LMOD3: variants seen among roughly 807,000 people sequenced by gnomAD.
The protein encoded by LMOD3 is leiomodin-3.
LMOD3 carries 31 observed loss-of-function variants against 41.8 expected under a neutral mutation model. The ratio of observed to expected loss-of-function variants is 0.74; its 90% CI spans 0.56 to 1.00. The LOEUF is 1.00. Ranked by LOEUF, LMOD3 falls within the 50% of genes least tolerant of loss-of-function variation. LMOD3 has a pLI of 0.00. For missense variants in LMOD3, 755 were observed against 679.5 expected, an observed-to-expected ratio of 1.11 and a Z score of -1.23; for synonymous variants, 292 against 241.9, an observed-to-expected ratio of 1.21 and a Z score of -1.92.
chr3:69,109,164 GA>G, intron 2 of LMOD3, 43 bp from the exon 3 acceptor site: 1 of 1,575,498 alleles, frequency 6.3e-7, no homozygotes, highest in South Asian at 1.2e-5. Flanking sequence ...ATTAATCCTG[GA>G]AATTTAAGAG....
intron 2 of LMOD3, among the ~76,000 whole-genome samples, chr3:69,111,639 AATG>A (rs1249624688): frequency 6.6e-6 from 1 of 152,214 alleles, no homozygotes; most frequent in African/African-American, 2.4e-5. Flanking sequence ...GCAGTGGTGC[AATG>A]ATAACTCAAA....
Position 69,108,949 on chromosome 3 carries a change from C to T in LMOD3, c.*146G>A. On this transcript the variant is annotated 3_prime_UTR_variant, in exon 3 of 3. Coordinates refer to ENST00000420581, the MANE Select transcript of LMOD3 (RefSeq NM_198271.5). ...CTTCTTCATGGCCCAAACATTCTGC[C>T]TTTTACAAATACCCTTATCAGATGG... The T allele has an allele frequency of 2.9e-6, 2 of 679,918 alleles. No homozygotes were observed. Among genetic ancestry groups the T allele is most frequent in the Non-Finnish European group, 4.9e-6 (2 of 408,212 alleles). 42.1% of individuals were successfully genotyped at this position (679,918 alleles called of 1,614,324 possible).
In LMOD3 at chr3:69,107,279, C is replaced by T. The variant is rs1349073038; in HGVS notation, c.*1816G>A. ...TTAAAAAAATAGAAACGCCATATTT[C>T]TTTCCCATGGCTTGTCTTTCCAAAT... On this transcript the variant is annotated 3_prime_UTR_variant, in exon 3 of 3. Coordinates refer to ENST00000420581, the MANE Select transcript of LMOD3 (RefSeq NM_198271.5). The T allele has an allele frequency of 6.6e-6, 1 of 151,764 alleles. No homozygotes were observed. The highest frequency in any genetic ancestry group is 1.5e-5 in the Non-Finnish European group (1 of 67,952). The allele number at this position is 151,764 out of a possible 1,614,324, so 9.4% of individuals were successfully genotyped here.
At chr3:69,118,476 A>G (rs901046232) in intron 2 of LMOD3, among the ~76,000 whole-genome samples, 5 of 152,086 alleles carry the variant, frequency 3.3e-5, no homozygotes, top group African/African-American at 1.2e-4. Flanking sequence ...AGCTGCTAAT[A>G]TCGTTGTTAC....
chr3:69,117,739 T>C (rs573780389), intron 2 of LMOD3, among the ~76,000 whole-genome samples: 1 of 152,268 alleles, frequency 6.6e-6, no homozygotes, highest in South Asian at 2.1e-4. Flanking sequence ...ACAAATGCAA[T>C]TTCGAACAGT....
chr3:69,112,863 A>G (rs567259371), intron 2 of LMOD3, among the ~76,000 whole-genome samples: 3 of 152,352 alleles, frequency 2.0e-5, no homozygotes, highest in South Asian at 4.1e-4. Flanking sequence ...TTGATCCACA[A>G]TAACATTTGA....
In LMOD3 at chr3:69,119,776, G is replaced by A; in HGVS notation, c.579C>T (p.Asp193=). 1 of 1,612,496 alleles carries A rather than the reference G, an allele frequency of 6.2e-7. No homozygotes were observed. The highest frequency in any genetic ancestry group is 8.5e-7 in the Non-Finnish European group (1 of 1,179,098). Residue 193 remains aspartate (D), a synonymous_variant, in exon 2 of 3, where the codon GAC becomes GAT. Transcript: ENST00000420581. ...NCENNCQQVT[D]KAFKEQRDRP... ...TGTCTCTCTGTTCTTTGAATGCTTT[G>A]TCAGTTACCTGCTGGCAGTTGTTCT...
chr3:69,114,129 G>A (rs2092361207), intron 2 of LMOD3, among the ~76,000 whole-genome samples: 1 of 152,194 alleles, frequency 6.6e-6, no homozygotes, highest in African/African-American at 2.4e-5. Flanking sequence ...GGGTCCATGA[G>A]CATTCTCAAG....
rs9835034 is a variant in LMOD3, at chr3:69,119,567, A to G, written c.788T>C (p.Ile263Thr). The G allele has an allele frequency of 3.8e-4, 619 of 1,613,792 alleles. 2 individuals carry two copies. In the African/African-American group the frequency reaches 6.8e-3, roughly 18 times the overall value. ...TAACATTTCTTTGGGGATGTTTTCA[A>G]TGTTGTTCAGGTTGAGTTCCTTCAT... The part of the protein sequence containing the change: ...PDMKELNLNN[I>T]ENIPKEMLLD... Residue 263 changes from isoleucine to threonine, a missense_variant, in exon 2 of 3, where the codon ATT (isoleucine) becomes ACT (threonine). Transcript: ENST00000420581.
chr3:69,122,335 T>C lies in LMOD3; in HGVS notation c.52A>G (p.Ile18Val), dbSNP rs1165265351. ...SDQEELLDEEINEDEILANLS... is the reference protein window; with the variant it reads ...SDQEELLDEEVNEDEILANLS... ...TTGGCCAAGATTTCATCTTCATTAA[T>C]CTCCTCATCGAGAAGTTCTTCTTGA... The change falls in exon 1 of 3, where the codon ATT becomes GTT. Residue 18 changes from isoleucine (I) to valine (V), a missense_variant. By Grantham distance (29) the Ile-to-Val change is conservative (BLOSUM62 3). Transcript: ENST00000420581. The C allele has an allele frequency of 5.6e-6, 9 of 1,612,746 alleles. No homozygotes were observed. In the South Asian group the frequency reaches 8.8e-5, roughly 16 times the overall value.
chr3:69,108,959 T>C lies in LMOD3; in HGVS notation c.*136A>G. 4 of 736,664 alleles carry C rather than the reference T, an allele frequency of 5.4e-6. No individual in the cohort carries two copies. The highest frequency in any genetic ancestry group is 8.9e-6 in the Non-Finnish European group (4 of 447,982). 45.6% of individuals were successfully genotyped at this position (736,664 alleles called of 1,614,324 possible). ...GCCCAAACATTCTGCCTTTTACAAA[T>C]ACCCTTATCAGATGGTAGCATTGTT... On this transcript the variant is annotated 3_prime_UTR_variant, in exon 3 of 3. Coordinates refer to ENST00000420581, the MANE Select transcript of LMOD3 (RefSeq NM_198271.5).
chr3:69,120,696 T>G (rs1195507531), intron 1 of LMOD3, among the ~76,000 whole-genome samples: 1 of 151,984 alleles, frequency 6.6e-6, no homozygotes, highest in Non-Finnish European at 1.5e-5. Flanking sequence ...TTTTCAGTTC[T>G]TTGACAACTG....
At chr3:69,110,853 A>AAAAAAAAAAAAAAAAAAAAAATATATAT (rs1458630453) in intron 2 of LMOD3, among the ~76,000 whole-genome samples, 1 of 104,122 alleles carries the variant, frequency 9.6e-6, no homozygotes, top group African/African-American at 4.8e-5. Flanking sequence ...AAAAAAAAAA[A>AAAAAAAAAAAAAAAAAAAAAATATATAT]ATATATATAT....
intron 2 of LMOD3, among the ~76,000 whole-genome samples, chr3:69,111,854 A>C (rs2092351754): frequency 6.6e-6 from 1 of 152,268 alleles, no homozygotes; most frequent in Non-Finnish European, 1.5e-5. Context: ...GGAAAAGAGG[A>C]ATCAGTCACT....
chr3:69,117,187 C>G (rs2092378597), intron 2 of LMOD3, among the ~76,000 whole-genome samples: 1 of 152,174 alleles, frequency 6.6e-6, no homozygotes, highest in African/African-American at 2.4e-5. Flanking sequence ...AGCGTTCTCA[C>G]CCTGGCCACT....
rs1312341772 is a variant in LMOD3 at position 69,119,497 on chromosome 3, T to C, written c.858A>G (p.Thr286=). ...NAMKKNKHIK[T]FSLANVGADE... is the part of the protein sequence containing the mutation. ...CTGCACCCACATTGGCTAAACTGAATGTTTTGATGTGCTTGTTTTTCTTCA... is the reference window on the plus strand; with the variant it reads ...CTGCACCCACATTGGCTAAACTGAACGTTTTGATGTGCTTGTTTTTCTTCA... Residue 286 remains threonine (T), a synonymous_variant, in exon 2 of 3, where the codon ACA becomes ACG. Transcript: ENST00000420581. The C allele has an allele frequency of 3.1e-6, 5 of 1,613,986 alleles. No individual in the cohort carries two copies. Among genetic ancestry groups the C allele is most frequent in the African/African-American group, 1.3e-5 (1 of 75,050 alleles).
Position 69,122,173 on chromosome 3 carries a change from C to G in LMOD3, c.214G>C (p.Val72Leu). The change falls in exon 1 of 3, where the codon GTT becomes CTT. Residue 72 changes from valine (V) to leucine (L), a missense_variant. Transcript: ENST00000420581. ...PTGNFNHKSL[V>L]DYMYWEKASR... is the part of the protein sequence containing the mutation. ...GCCTTTTCCCAATACATATAATCAA[C>G]AAGAGATTTATGATTGAAGTTTCCT... The G allele has an allele frequency of 6.2e-7, 1 of 1,613,064 alleles. No individual in the cohort carries two copies. Among genetic ancestry groups the G allele is most frequent in the Non-Finnish European group, 8.5e-7 (1 of 1,179,482 alleles).
intron 2 of LMOD3, among the ~76,000 whole-genome samples, chr3:69,116,678 T>C (rs369988855): frequency 6.6e-6 from 1 of 152,116 alleles, no homozygotes; most frequent in South Asian, 2.1e-4. Context: ...GGGTGAAAAA[T>C]TAAACCTACA....
Position 69,107,387 on chromosome 3 carries a change from TA to T in LMOD3, c.*1707del, listed in dbSNP as rs2092327365. On this transcript the variant is annotated 3_prime_UTR_variant, in exon 3 of 3. Transcript: ENST00000420581. ...TTGATACATGCCACTTATGATAACA[TA>T]AAAGGAGAAAGAAGGCAGGTGCCAA... 8.8e-6 allele frequency: 1 copy of T among 113,364 alleles called. No homozygotes were observed. The highest frequency in any genetic ancestry group is 1.1e-4 in the Admixed American group (1 of 8,864). 7.0% of individuals were successfully genotyped at this position (113,364 alleles called of 1,614,324 possible). A position where few individuals can be genotyped will look rare whatever the true frequency, so the allele number is the denominator to read the frequency against.
Sources: allele counts gnomAD v4.1 joint callset (sites outside exome capture counted in the v4.1 genomes callset), GRCh38; gene constraint gnomAD v4.1.1; transcripts MANE v1.5; gene names NCBI Gene and HGNC (gene_info 2026-07-23, HGNC 2026-07-21).